The following ST3GAL4 variants were observed in gnomAD, a reference collection of about 807,000 sequenced individuals.
ST3GAL4 encodes ST3 beta-galactoside alpha-2,3-sialyltransferase 4, also known as CMP-N-acetylneuraminate-beta-galactosamide-alpha-2,3-sialyltransferase 4.
In ST3GAL4, 24 loss-of-function variants were observed where a neutral mutation model predicts 42.6. The observed-to-expected ratio is 0.56, with a 90% CI of 0.41 to 0.79. The LOEUF (loss-of-function observed/expected upper bound fraction) is 0.79. Among genes scored for constraint, ST3GAL4 ranks in the 30% least tolerant of loss-of-function variants. The pLI is 0.00. For synonymous variants in ST3GAL4, 135 were observed against 163.2 expected, an observed-to-expected ratio of 0.83 and a Z score of 1.32; for missense variants, 311 against 430.8, an observed-to-expected ratio of 0.72 and a Z score of 2.46.
In ST3GAL4 at chr11:126,406,090, T is replaced by TCC. The variant is rs1954215889; in HGVS notation, c.-60-5_-60-4dup. 7 of 1,551,576 alleles carry TCC rather than the reference T, an allele frequency of 4.5e-6. No individual in the cohort carries two copies. The highest frequency in any genetic ancestry group is 6.1e-6 in the Non-Finnish European group (7 of 1,146,982). On this transcript the variant is annotated splice_region_variant and splice_polypyrimidine_tract_variant and intron_variant, in intron 1 of 10. Coordinates refer to ENST00000444328, the MANE Select transcript of ST3GAL4 (RefSeq NM_001254757.2). This position sits in a 1 kb window ranked among gnomAD's most constrained non-coding sequence, Gnocchi z 5.4. ...TGACCGGACACCTGTGGCTCTTATT[T>TCC]CCTAGGTGGCCCGAGGCAGCCGGGA...
chr11:126,408,271 G>A, intron 7 of ST3GAL4, 36 bp from the exon 8 acceptor site: 2 of 1,612,834 alleles, frequency 1.2e-6, no homozygotes, highest in Non-Finnish European at 1.7e-6. Context: ...GGCCCAGGAG[G>A]CCTCTAGTGA....
chr11:126,405,962 A>G (rs1054958401), intron 1 of ST3GAL4, 134 bp from the exon 2 acceptor site: 3 of 1,072,068 alleles, frequency 2.8e-6, no homozygotes, highest in African/African-American at 1.6e-5. Context: ...ACTCACCCTC[A>G]GGATGATTGC....
intron 1 of ST3GAL4, among the ~76,000 whole-genome samples, chr11:126,369,227 C>G (rs1952544922): frequency 6.6e-6 from 1 of 151,696 alleles, no homozygotes; most frequent in Non-Finnish European, 1.5e-5. Flanking sequence ...CAAGATAGTG[C>G]CTTTTTCTTT....
rs1263957626 is a variant in ST3GAL4 at position 126,391,150 on chromosome 11, CGG to C, written c.-60-14944_-60-14943del. Among the ~76,000 whole-genome samples the C allele has an allele frequency of 6.6e-6, 1 of 152,130 alleles. No individual in the cohort carries two copies. Among genetic ancestry groups the C allele is most frequent in the Non-Finnish European group, 1.5e-5 (1 of 68,024 alleles). On this transcript the variant is annotated intron_variant, in intron 1 of 10. Transcript: ENST00000444328. This position sits in a 1 kb window ranked among gnomAD's most constrained non-coding sequence, Gnocchi z 5.5. ...AAAGTCAATAATGCTGCTGTGACCA[CGG>C]GTGTACAGATATCTCTTTGACATCC... is the stretch of plus-strand genomic sequence containing the variant.
chr11:126,409,546 C>A lies in ST3GAL4; in HGVS notation c.771+135C>A. On this transcript the variant is annotated intron_variant, in intron 9 of 10. Transcript: ENST00000444328. The surrounding 1 kb of genome is among the most constrained non-coding windows in gnomAD (Gnocchi z 4.9). ...TTGCATTTTCCCTCCAGGAACACACCTGTCATTAAAGTTGCTGCTGCAAAG... is the reference window on the plus strand; with the variant it reads ...TTGCATTTTCCCTCCAGGAACACACATGTCATTAAAGTTGCTGCTGCAAAG... 8.1e-7 allele frequency: 1 copy of A among 1,241,518 alleles called. No homozygotes were observed. Among genetic ancestry groups the A allele is most frequent in the Non-Finnish European group, 1.1e-6 (1 of 889,546 alleles). The allele number at this position is 1,241,518 out of a possible 1,614,324, so 76.9% of individuals were successfully genotyped here. A position where few individuals can be genotyped will look rare whatever the true frequency, so the allele number is the denominator to read the frequency against.
chr11:126,368,613 C>T lies in ST3GAL4; in HGVS notation c.-61+12771C>T, dbSNP rs978221259. Among the ~76,000 whole-genome samples the T allele has an allele frequency of 7.9e-5, 12 of 152,238 alleles. No individual in the cohort carries two copies. In the East Asian group the frequency reaches 9.7e-4, roughly 12 times the overall value. ...TTTAGAGAGGGCTGGCCAGCTGTGC[C>T]GGAATTAGGAAGTGGGTACAGCTGG... On this transcript the variant is annotated intron_variant, in intron 1 of 10. Transcript: ENST00000444328.
rs1565392119 is a variant in ST3GAL4, at chr11:126,363,302, TTCCTTTCTGCC to T, written c.-61+7465_-61+7475del. ...CACCATCTTCAGTGATCCCTCCTCC[TTCCTTTCTGCC>T]TCCTCTGCATTCTCTCCTTGCCCTT... On this transcript the variant is annotated intron_variant, in intron 1 of 10. Coordinates refer to ENST00000444328, the MANE Select transcript of ST3GAL4 (RefSeq NM_001254757.2). The surrounding 1 kb of genome is among the most constrained non-coding windows in gnomAD (Gnocchi z 4.6). 6.6e-6 allele frequency among the ~76,000 whole-genome samples: 1 copy of T among 152,202 alleles called. No homozygotes were observed. The highest frequency in any genetic ancestry group is 2.4e-5 in the African/African-American group (1 of 41,444).
intron 10 of ST3GAL4, 137 bp downstream of exon 10, chr11:126,413,785 T>C: frequency 7.0e-7 from 1 of 1,436,076 alleles, no homozygotes. Flanking sequence ...GCACCTGGAC[T>C]CCCTGGCCAG....
chr11:126,378,440 T>G lies in ST3GAL4; in HGVS notation c.-61+22598T>G, dbSNP rs187062317. 3.3e-3 allele frequency among the ~76,000 whole-genome samples: 502 copies of G among 152,298 alleles called. 2 individuals carry two copies. Among genetic ancestry groups the G allele is most frequent in the African/African-American group, 0.012 (481 of 41,550 alleles). On this transcript the variant is annotated intron_variant, in intron 1 of 10. Transcript: ENST00000444328. The surrounding 1 kb of genome is among the most constrained non-coding windows in gnomAD (Gnocchi z 5.3). ...TTTCTTTTTATTTGAGACGGAGTCT[T>G]GCTGTGTCACTCAGGCTGGAGTCAG...
Position 126,384,822 on chromosome 11 carries a change from C to T in ST3GAL4, c.-60-21274C>T. On this transcript the variant is annotated intron_variant, in intron 1 of 10. Coordinates refer to ENST00000444328, the MANE Select transcript of ST3GAL4 (RefSeq NM_001254757.2). The surrounding 1 kb of genome is among the most constrained non-coding windows in gnomAD (Gnocchi z 5.5). ...GCCTGTCTCCCTGGCCGTGGCAGGT[C>T]CTTTGTCACATATGGGCCAGGAGAG... 1 of 985,334 alleles carries T rather than the reference C, an allele frequency of 1.0e-6. No homozygotes were observed. The highest frequency in any genetic ancestry group is 1.2e-6 in the Non-Finnish European group (1 of 829,918). 61.0% of individuals were successfully genotyped at this position (985,334 alleles called of 1,614,324 possible). A position where few individuals can be genotyped will look rare whatever the true frequency, so the allele number is the denominator to read the frequency against.
At chr11:126,356,765 C>T (rs1049129512) in intron 1 of ST3GAL4, among the ~76,000 whole-genome samples, 1 of 152,254 alleles carries the variant, frequency 6.6e-6, no homozygotes, top group Non-Finnish European at 1.5e-5. Flanking sequence ...TACTTTCCAC[C>T]GCCGGAGGCG....
At chr11:126,361,489 T>C (rs931124739) in intron 1 of ST3GAL4, among the ~76,000 whole-genome samples, 1 of 151,742 alleles carries the variant, frequency 6.6e-6, no homozygotes, top group Admixed American at 6.6e-5. Flanking sequence ...CCCCCTCACA[T>C]GGCTTGGGCA....
At chr11:126,382,982 T>C (rs1231103252) in intron 1 of ST3GAL4, among the ~76,000 whole-genome samples, 1 of 152,230 alleles carries the variant, frequency 6.6e-6, no homozygotes, top group Non-Finnish European at 1.5e-5. Context: ...GGACAGTCCC[T>C]GTCACTGGGA....
At position 126,413,587 on chromosome 11, in the gene ST3GAL4, A is replaced by G. The variant is rs745975801; in HGVS notation, c.854A>G (p.Asp285Gly). ...LVHIAGFGYPDAYNKKQTIHY... is the reference protein window; with the variant it reads ...LVHIAGFGYPGAYNKKQTIHY... ...CACATTGCCGGCTTTGGCTACCCAGACGCCTACAACAAGAAGCAGACCATT... is the reference window on the plus strand; with the variant it reads ...CACATTGCCGGCTTTGGCTACCCAGGCGCCTACAACAAGAAGCAGACCATT... Residue 285 changes from aspartate to glycine, a missense_variant, in exon 10 of 11, where the codon GAC becomes GGC. By Grantham distance (94) the Asp-to-Gly change is moderately conservative (BLOSUM62 -1). Coordinates refer to ENST00000444328, the MANE Select transcript of ST3GAL4 (RefSeq NM_001254757.2). The G allele has an allele frequency of 1.2e-6, 2 of 1,614,228 alleles. No homozygotes were observed. Among genetic ancestry groups the G allele is most frequent in the East Asian group, 2.2e-5 (1 of 44,878 alleles).
At chr11:126,404,052 A>C (rs1212632613) in intron 1 of ST3GAL4, among the ~76,000 whole-genome samples, 1 of 152,228 alleles carries the variant, frequency 6.6e-6, no homozygotes, top group African/African-American at 2.4e-5. Context: ...CTCATTTAAA[A>C]AATTTTTTTT....
Position 126,414,457 on chromosome 11 carries a change from A to G in ST3GAL4, c.*410A>G. The G allele has an allele frequency of 4.9e-6, 1 of 205,410 alleles. No homozygotes were observed. Among genetic ancestry groups the G allele is most frequent in the Non-Finnish European group, 1.0e-5 (1 of 99,604 alleles). The allele number at this position is 205,410 out of a possible 1,614,324, so 12.7% of individuals were successfully genotyped here. A position where few individuals can be genotyped will look rare whatever the true frequency, so the allele number is the denominator to read the frequency against. On this transcript the variant is annotated 3_prime_UTR_variant, in exon 11 of 11. Coordinates refer to ENST00000444328, the MANE Select transcript of ST3GAL4 (RefSeq NM_001254757.2). ...CAGCGATGGCCCCACCAAGGCCTAG[A>G]CACGGCACTGGCCTCCCAGGAGGGC...
chr11:126,376,289 A>T lies in ST3GAL4; in HGVS notation c.-61+20447A>T, dbSNP rs1483028042. Among the ~76,000 whole-genome samples, 5 of 152,236 alleles carry T rather than the reference A, an allele frequency of 3.3e-5. No homozygotes were observed. Among genetic ancestry groups the T allele is most frequent in the Non-Finnish European group, 7.3e-5 (5 of 68,032 alleles). The stretch of plus-strand genomic sequence containing the variant: ...TTACCTGTGTGAAAGAGAATTTTTC[A>T]GGCACAATAATATTTTAAAGAGTTT... On this transcript the variant is annotated intron_variant, in intron 1 of 10. Transcript: ENST00000444328. This position sits in a 1 kb window ranked among gnomAD's most constrained non-coding sequence, Gnocchi z 5.1.
intron 1 of ST3GAL4, among the ~76,000 whole-genome samples, chr11:126,362,556 C>T (rs769748457): frequency 1.3e-5 from 2 of 152,150 alleles, no homozygotes; most frequent in Non-Finnish European, 1.5e-5. Flanking sequence ...GCCCGGACTC[C>T]AGCACTCTAT....
intron 1 of ST3GAL4, chr11:126,374,941 C>G (rs912301133): frequency 6.6e-6 from 1 of 152,040 alleles, no homozygotes; most frequent in African/African-American, 2.4e-5. Flanking sequence ...TGAGTCCCCT[C>G]TAGAACGTGG....
Sources: allele counts gnomAD v4.1 joint callset (sites outside exome capture counted in the v4.1 genomes callset), GRCh38; gene constraint gnomAD v4.1.1; non-coding constraint Gnocchi (gnomAD v3.1); transcripts MANE v1.5; gene names NCBI Gene and HGNC (gene_info 2026-07-23, HGNC 2026-07-21).